The following NUP98 variants were observed in gnomAD, a reference collection of about 807,000 sequenced individuals.
NUP98 encodes the protein nucleoporin 98 and 96 precursor, also known as nuclear pore complex protein Nup98-Nup96.
In NUP98, 26 loss-of-function variants were observed where a neutral mutation model predicts 191.9. The observed-to-expected ratio is 0.14, with a 90% confidence interval of 0.10 to 0.19. The LOEUF (loss-of-function observed/expected upper bound fraction) is 0.19, where lower values mean the gene tolerates loss of function less well. Among genes scored for constraint, NUP98 ranks in the 10% least tolerant of loss-of-function variants. The pLI, the probability that NUP98 is intolerant of heterozygous loss-of-function variation, is 1.00. For synonymous variants in NUP98, 808 were observed against 778.4 expected (o/e 1.04, Z -0.63); for missense variants, 1,941 against 2,178.8 (o/e 0.89, Z 2.17).
At chr11:3,738,776 C>CA (rs58460963) in intron 12 of NUP98, among the ~76,000 whole-genome samples, 58,678 of 67,862 alleles carry the variant, frequency 0.86, 25,188 homozygotes, top group Middle Eastern at 0.94. Flanking sequence ...AGACTCCTCT[C>CA]AAAAAAAAAA....
At chr11:3,700,068 A>G (rs2134100287) in intron 24 of NUP98, among the ~76,000 whole-genome samples, 1 of 152,290 alleles carries the variant, frequency 6.6e-6, no homozygotes, top group Non-Finnish European at 1.5e-5. Context: ...TAGAAAAGCA[A>G]GAAGGGGCCG....
rs576297943 is a variant in NUP98 at position 3,723,286 on chromosome 11, C to A, written c.2017G>T (p.Ala673Ser). 4 of 1,614,118 alleles carry A rather than the reference C, an allele frequency of 2.5e-6. No homozygotes were observed. Among genetic ancestry groups the A allele is most frequent in the Non-Finnish European group, 3.4e-6 (4 of 1,180,028 alleles). ...CGCAAAGCAGCACGCATGTTTAATG[C>A]AACAATGGTATCATCCACACTGTTG... Reference protein sequence around the residue: ...NSNSVDDTIVALNMRAALRNG... With the variant: ...NSNSVDDTIVSLNMRAALRNG... Residue 673 changes from alanine (A) to serine (S), a missense_variant, in exon 16 of 33, where the codon GCA (alanine) becomes TCA (serine). This residue lies in a region of NUP98 where 453 missense variants were observed against 438.2 expected (regional missense o/e 1.03). Coordinates refer to ENST00000324932, the MANE Select transcript of NUP98 (RefSeq NM_016320.5).
At chr11:3,704,388 C>T (rs1480699475) in intron 22 of NUP98, among the ~76,000 whole-genome samples, 1 of 152,138 alleles carries the variant, frequency 6.6e-6, no homozygotes, top group Non-Finnish European at 1.5e-5. Flanking sequence ...AAAGAGAAAA[C>T]TTTAAAATCA....
chr11:3,705,183 C>T lies in NUP98; in HGVS notation c.3082+17G>A. 6.2e-7 allele frequency: 1 copy of T among 1,612,228 alleles called. No homozygotes were observed. Among genetic ancestry groups the T allele is most frequent in the East Asian group, 2.2e-5 (1 of 44,858 alleles). ...ACTGTACAGCTTTCTTGTAAAATAG[C>T]ATCTTTTATACTGTACCTAGTGAAC... On this transcript the variant is annotated intron_variant, in intron 22 of 32. Transcript: ENST00000324932.
chr11:3,788,594 AAAAT>A (rs1010626872), intron 1 of NUP98, among the ~76,000 whole-genome samples: 56 of 152,204 alleles, frequency 3.7e-4, no homozygotes, highest in African/African-American at 1.3e-3. Context: ...TCTGTCTCCA[AAAAT>A]AAATAAATAA....
chr11:3,743,594 C>G (rs541944718), intron 12 of NUP98, among the ~76,000 whole-genome samples: 2 of 146,310 alleles, frequency 1.4e-5, no homozygotes, highest in African/African-American at 5.1e-5. Context: ...TTGCAGTAAG[C>G]CAAGATCGCA....
rs192168691 is a variant in NUP98, at chr11:3,682,218, C to T, written c.4918+982G>A. 2.9e-3 allele frequency among the ~76,000 whole-genome samples: 435 copies of T among 152,276 alleles called. 2 individuals carry two copies. Among genetic ancestry groups the T allele is most frequent in the South Asian group, 9.7e-3 (47 of 4,826 alleles). On this transcript the variant is annotated intron_variant, in intron 30 of 32. Coordinates refer to ENST00000324932, the MANE Select transcript of NUP98 (RefSeq NM_016320.5). ...CTATCCAGATCACAAAAACTTTCTC[C>T]GCATCAGCCAGAAAGCTGTTTCACT... is the stretch of plus-strand genomic sequence containing the variant.
rs140022327 is a variant in NUP98 at position 3,715,615 on chromosome 11, G to A, written c.2400-1620C>T. Reference sequence around the variant, plus strand: ...ATTTTCTTCTTTTTTGAGAGACAGGGTCTCCCTCTCCCGCTCAGGCAGGAG... The same window carrying A: ...ATTTTCTTCTTTTTTGAGAGACAGGATCTCCCTCTCCCGCTCAGGCAGGAG... On this transcript the variant is annotated intron_variant, in intron 18 of 32. Coordinates refer to ENST00000324932, the MANE Select transcript of NUP98 (RefSeq NM_016320.5). Among the ~76,000 whole-genome samples the A allele has an allele frequency of 2.3e-4, 35 of 152,124 alleles. No individual in the cohort carries two copies. The East Asian group carries it at 6.6e-3, about 29-fold the overall frequency.
At chr11:3,761,349 G>A (rs1315049257) in intron 9 of NUP98, among the ~76,000 whole-genome samples, 3 of 152,130 alleles carry the variant, frequency 2.0e-5, no homozygotes, top group Non-Finnish European at 4.4e-5. Flanking sequence ...ACTAGAAGCC[G>A]GGCACAGTAG....
chr11:3,706,331 A>T, intron 21 of NUP98, 114 bp downstream of exon 21: 1 of 948,898 alleles, frequency 1.1e-6, no homozygotes, highest in Non-Finnish European at 1.6e-6. Context: ...TTTTTTCCCC[A>T]TTACAGTGAG....
Position 3,708,879 on chromosome 11 carries a change from G to A in NUP98, c.2743-2252C>T, listed in dbSNP as rs75969584. On this transcript the variant is annotated intron_variant, in intron 20 of 32. Coordinates refer to ENST00000324932, the MANE Select transcript of NUP98 (RefSeq NM_016320.5). ...CTTTCCTACAGTATAATCTCTTGAA[G>A]GCAGCATCATATTTATTTCCAAATA... Among the ~76,000 whole-genome samples the A allele has an allele frequency of 6.2e-3, 944 of 152,250 alleles. 11 individuals are homozygous for A. The highest frequency in any genetic ancestry group is 0.022 in the African/African-American group (895 of 41,534).
At chr11:3,706,788 T>A (rs2078874440) in intron 20 of NUP98, among the ~76,000 whole-genome samples, 161 bp from the exon 21 acceptor site, 1 of 152,204 alleles carries the variant, frequency 6.6e-6, no homozygotes, top group African/African-American at 2.4e-5. Flanking sequence ...TGATTTAAAA[T>A]CAATTACCCC....
At chr11:3,689,543 A>T (rs1398061502) in intron 28 of NUP98, among the ~76,000 whole-genome samples, 1 of 152,154 alleles carries the variant, frequency 6.6e-6, no homozygotes, top group Non-Finnish European at 1.5e-5. Flanking sequence ...AAAAAACCAA[A>T]AAACAAAACA....
At chr11:3,730,936 A>G (rs2079822125) in intron 14 of NUP98, among the ~76,000 whole-genome samples, 1 of 152,186 alleles carries the variant, frequency 6.6e-6, no homozygotes, top group African/African-American at 2.4e-5. Flanking sequence ...GGTGACTTTT[A>G]TTCTTCTTTG....
At position 3,781,619 on chromosome 11, in the gene NUP98, G is replaced by A. The variant is rs75234895; in HGVS notation, c.76+423C>T. 2.4e-3 allele frequency among the ~76,000 whole-genome samples: 365 copies of A among 151,988 alleles called. 3 individuals are homozygous for A. Among genetic ancestry groups the A allele is most frequent in the African/African-American group, 8.1e-3 (336 of 41,442 alleles). ...TGGGTAGGAAGGGAGGTAGATCTCC[G>A]GAGGGTTGATGGGAATTAGACACTT... On this transcript the variant is annotated intron_variant, in intron 2 of 32. Coordinates refer to ENST00000324932, the MANE Select transcript of NUP98 (RefSeq NM_016320.5).
chr11:3,744,779 A>G, intron 11 of NUP98, 130 bp from the exon 12 acceptor site: 1 of 988,924 alleles, frequency 1.0e-6, no homozygotes, highest in Non-Finnish European at 1.5e-6. Context: ...AAAGGGGTGA[A>G]TACGGTAAGT....
intron 24 of NUP98, among the ~76,000 whole-genome samples, chr11:3,700,055 A>G (rs1589982783): frequency 6.6e-6 from 1 of 152,264 alleles, no homozygotes; most frequent in East Asian, 1.9e-4. Context: ...AATGGATAGG[A>G]TTTAGAAAAG....
intron 31 of NUP98, among the ~76,000 whole-genome samples, chr11:3,678,094 T>C (rs1022693654): frequency 2.0e-5 from 3 of 148,644 alleles, no homozygotes; most frequent in African/African-American, 7.6e-5. Flanking sequence ...GCTGAGATTG[T>C]GCCACTGCCC....
intron 31 of NUP98, among the ~76,000 whole-genome samples, chr11:3,677,144 C>A (rs1376961033): frequency 6.6e-6 from 1 of 152,152 alleles, no homozygotes; most frequent in African/African-American, 2.4e-5. Flanking sequence ...TGAAAAATCA[C>A]AAGCCATGTA....
Sources: allele counts gnomAD v4.1 joint callset (sites outside exome capture counted in the v4.1 genomes callset), GRCh38; gene constraint gnomAD v4.1.1; regional missense constraint gnomAD v4.1.1; transcripts MANE v1.5; gene names NCBI Gene and HGNC (gene_info 2026-07-23, HGNC 2026-07-21).